The following MAN1A1 variants were observed in gnomAD, a reference collection of about 807,000 sequenced individuals.
MAN1A1 encodes the protein mannosidase alpha class 1A member 1, also known as mannosyl-oligosaccharide 1,2-alpha-mannosidase IA.
A neutral mutation model predicts 70.8 loss-of-function variants in MAN1A1; 29 were observed. The ratio of observed to expected loss-of-function variants is 0.41; its 90% confidence interval spans 0.31 to 0.56. MAN1A1 has a LOEUF of 0.56. Among genes scored for constraint, MAN1A1 ranks in the 20% least tolerant of loss-of-function variants. The pLI, the probability that MAN1A1 is intolerant of heterozygous loss-of-function variation, is 0.29. For missense variants in MAN1A1, 747 were observed against 841.3 expected (o/e 0.89, Z 1.39); for synonymous variants, 349 against 330.1 (o/e 1.06, Z -0.62).
intron 8 of MAN1A1, among the ~76,000 whole-genome samples, chr6:119,199,741 CA>C (rs11383265): frequency 2.4e-3 from 334 of 140,930 alleles, no homozygotes; most frequent in Non-Finnish European, 3.3e-3. Context: ...TTCTCTCTAC[CA>C]AAAAAAAAAA....
chr6:119,259,993 A>T (rs774091796), intron 5 of MAN1A1, among the ~76,000 whole-genome samples: 34 of 152,094 alleles, frequency 2.2e-4, no homozygotes, highest in East Asian at 5.8e-4. Context: ...GCATTTTTTT[A>T]AAAAAAGATA....
At chr6:119,298,745 T>G (rs1772298499) in intron 4 of MAN1A1, among the ~76,000 whole-genome samples, 1 of 151,880 alleles carries the variant, frequency 6.6e-6, no homozygotes, top group Non-Finnish European at 1.5e-5. Flanking sequence ...TACAGGCGTG[T>G]GCCACCATGC....
At position 119,194,004 on chromosome 6, in the gene MAN1A1, T is replaced by C. The variant is rs550244610; in HGVS notation, c.1211-112A>G. On this transcript the variant is annotated intron_variant, in intron 8 of 12. Transcript: ENST00000368468. ...CCCTATGTCAACTGCAAGTCACTGT[T>C]ACATTTAAATTCCAACAAATCTCTT... 597 of 606,462 alleles carry C rather than the reference T, an allele frequency of 9.8e-4. 9 individuals carry two copies. The South Asian group carries it at 0.012, about 12-fold the overall frequency. The allele number at this position is 606,462 out of a possible 1,614,324, so 37.6% of individuals were successfully genotyped here.
At chr6:119,285,906 A>T (rs1776361459) in intron 5 of MAN1A1, among the ~76,000 whole-genome samples, 1 of 152,194 alleles carries the variant, frequency 6.6e-6, no homozygotes, top group South Asian at 2.1e-4. Flanking sequence ...TTTTGTATTC[A>T]TAAAAATAGC....
chr6:119,258,486 G>A (rs1318107387), intron 5 of MAN1A1, among the ~76,000 whole-genome samples: 1 of 152,120 alleles, frequency 6.6e-6, no homozygotes, highest in East Asian at 1.9e-4. Flanking sequence ...ATCTAGAGAT[G>A]ATTTAAAGAA....
chr6:119,244,041 A>G (rs1775090438), intron 6 of MAN1A1, among the ~76,000 whole-genome samples: 1 of 152,084 alleles, frequency 6.6e-6, no homozygotes, highest in Non-Finnish European at 1.5e-5. Context: ...GAATGCCCAG[A>G]CTGTATGCCC....
At chr6:119,232,839 T>TA (rs1002037740) in intron 6 of MAN1A1, among the ~76,000 whole-genome samples, 3 of 152,112 alleles carry the variant, frequency 2.0e-5, no homozygotes, top group Non-Finnish European at 4.4e-5. Context: ...TCTTCTCTTT[T>TA]ACTCTGTTTT....
At chr6:119,209,109 A>AAAG (rs1773973361) in intron 6 of MAN1A1, among the ~76,000 whole-genome samples, 1 of 149,936 alleles carries the variant, frequency 6.7e-6, no homozygotes, top group African/African-American at 2.5e-5. Context: ...AAAAAAAAAA[A>AAAG]GGTATAGGTT....
At chr6:119,247,956 T>A (rs927679104) in intron 6 of MAN1A1, among the ~76,000 whole-genome samples, 3 of 152,232 alleles carry the variant, frequency 2.0e-5, no homozygotes, top group African/African-American at 7.2e-5. Flanking sequence ...ATAACGGGAC[T>A]CTTTTGGTAT....
At chr6:119,218,193 G>C (rs1251634723) in intron 6 of MAN1A1, among the ~76,000 whole-genome samples, 1 of 151,956 alleles carries the variant, frequency 6.6e-6, no homozygotes, top group Non-Finnish European at 1.5e-5. Context: ...TTTGATTTTA[G>C]TCATGTTTTG....
chr6:119,191,088 G>T (rs1582682021), intron 9 of MAN1A1, among the ~76,000 whole-genome samples: 1 of 152,164 alleles, frequency 6.6e-6, no homozygotes, highest in African/African-American at 2.4e-5. Flanking sequence ...ATAAACGAAT[G>T]AAACCAAGAT....
intron 6 of MAN1A1, among the ~76,000 whole-genome samples, chr6:119,228,463 C>A (rs1774580841): frequency 6.6e-6 from 1 of 152,054 alleles, no homozygotes; most frequent in Non-Finnish European, 1.5e-5. Flanking sequence ...AGAAACTCAA[C>A]CATCTAGACT....
chr6:119,302,678 C>T (rs1029945721), intron 3 of MAN1A1, among the ~76,000 whole-genome samples: 2 of 152,074 alleles, frequency 1.3e-5, no homozygotes, highest in African/African-American at 4.8e-5. Context: ...CCATACCCGG[C>T]CTGTGATTGC....
chr6:119,232,370 C>T (rs1240209361), intron 6 of MAN1A1, among the ~76,000 whole-genome samples: 7 of 74,206 alleles, frequency 9.4e-5, no homozygotes, highest in Admixed American at 7.5e-4. Context: ...GAGACTCTGT[C>T]TCAAAAAAAA....
At chr6:119,227,769 T>C (rs1397761323) in intron 6 of MAN1A1, among the ~76,000 whole-genome samples, 1 of 152,232 alleles carries the variant, frequency 6.6e-6, no homozygotes, top group Non-Finnish European at 1.5e-5. Context: ...GCACTTGGCC[T>C]GTTTTTTAAA....
chr6:119,303,921 A>C (rs747186318), intron 3 of MAN1A1, among the ~76,000 whole-genome samples: 22 of 152,178 alleles, frequency 1.4e-4, no homozygotes, highest in Non-Finnish European at 2.6e-4. Flanking sequence ...TTGGAAATAA[A>C]AGTCATTTTC....
chr6:119,218,787 TGGTTCACA>T (rs2114254618), intron 6 of MAN1A1, among the ~76,000 whole-genome samples: 1 of 152,310 alleles, frequency 6.6e-6, no homozygotes, highest in South Asian at 2.1e-4. Context: ...TGGCCAGAGC[TGGTTCACA>T]CCTGGCACCC....
intron 6 of MAN1A1, among the ~76,000 whole-genome samples, chr6:119,209,215 T>C (rs1465655039): frequency 6.6e-6 from 1 of 151,988 alleles, no homozygotes; most frequent in Non-Finnish European, 1.5e-5. Flanking sequence ...ACTGAAGCAA[T>C]TCTAAAAATT....
chr6:119,277,569 C>T (rs1046612998), intron 5 of MAN1A1, among the ~76,000 whole-genome samples: 3 of 151,972 alleles, frequency 2.0e-5, no homozygotes, highest in Non-Finnish European at 4.4e-5. Context: ...CATCTATAGT[C>T]CTAGCACTTT....
Sources: gnomAD v4.1 joint callset for allele counts (sites outside exome capture counted in the v4.1 genomes callset) on GRCh38, gnomAD v4.1.1 for gene constraint, MANE v1.5 for transcripts, NCBI Gene and HGNC (gene_info 2026-07-23, HGNC 2026-07-21) for gene names.